The following ZFAND3 variants were observed in gnomAD, a reference collection of about 807,000 sequenced individuals.
ZFAND3 encodes the protein zinc finger AN1-type containing 3.
A neutral mutation model predicts 29.6 loss-of-function variants in ZFAND3; 10 were observed. The observed-to-expected ratio is 0.34, with a 90% CI of 0.21 to 0.57. The LOEUF (loss-of-function observed/expected upper bound fraction) is 0.57. ZFAND3 is among the 20% of genes least tolerant of loss of function. The pLI is 0.86. For missense variants in ZFAND3, 230 were observed against 304.5 expected (o/e 0.76, Z 1.82); for synonymous variants, 128 against 112.6 (o/e 1.14, Z -0.87).
chr6:37,950,426 G>C (rs1469692890), intron 2 of ZFAND3, among the ~76,000 whole-genome samples: 1 of 150,570 alleles, frequency 6.6e-6, no homozygotes, highest in East Asian at 1.9e-4. Flanking sequence ...CGCCCAGCCT[G>C]GAGTGCAGCA....
intron 1 of ZFAND3, among the ~76,000 whole-genome samples, chr6:37,884,680 A>G (rs922547354): frequency 6.9e-6 from 1 of 144,406 alleles, no homozygotes; most frequent in Non-Finnish European, 1.5e-5. Context: ...ATCAAGTGGC[A>G]GGGCAAGATT....
At chr6:37,964,921 A>G (rs902929643) in intron 2 of ZFAND3, among the ~76,000 whole-genome samples, 10 of 152,152 alleles carry the variant, frequency 6.6e-5, no homozygotes, top group Non-Finnish European at 1.5e-4. Flanking sequence ...GTGAGGATTT[A>G]GTGAGATACT....
chr6:37,939,868 C>G (rs1427390612), intron 2 of ZFAND3, among the ~76,000 whole-genome samples: 2 of 152,016 alleles, frequency 1.3e-5, no homozygotes, highest in African/African-American at 4.8e-5. Context: ...GGTGAAACCC[C>G]ATCTCTACTA....
chr6:38,107,743 A>G (rs1470793637), intron 4 of ZFAND3, among the ~76,000 whole-genome samples: 1 of 152,154 alleles, frequency 6.6e-6, no homozygotes, highest in Non-Finnish European at 1.5e-5. Context: ...TGAGGCAGGA[A>G]GATCACTTGA....
intron 5 of ZFAND3, among the ~76,000 whole-genome samples, chr6:38,126,187 C>T (rs1206925344): frequency 6.6e-6 from 1 of 152,214 alleles, no homozygotes; most frequent in Non-Finnish European, 1.5e-5. Flanking sequence ...TGGATTCATA[C>T]CTACATAGTA....
chr6:38,044,057 A>G (rs1016211571), intron 2 of ZFAND3, among the ~76,000 whole-genome samples: 5 of 152,222 alleles, frequency 3.3e-5, no homozygotes, highest in Non-Finnish European at 5.9e-5. Flanking sequence ...GTCAGGGCCA[A>G]CAGTCAAAAA....
rs67495073 is a variant in ZFAND3, at chr6:38,012,377, A to ATTTT, written c.113-49200_113-49197dup. ...AGCTTCCTCCTTTCTTTTTGATAGTATTTTTTTTTTTTTTTTTTTGAGTCG... is the reference window on the plus strand; with the variant it reads ...AGCTTCCTCCTTTCTTTTTGATAGTATTTTTTTTTTTTTTTTTTTTTTTGAGTCG... On this transcript the variant is annotated intron_variant, in intron 2 of 5. Transcript: ENST00000287218. Among the ~76,000 whole-genome samples, 1,653 of 123,292 alleles carry ATTTT rather than the reference A, an allele frequency of 0.013. 155 individuals are homozygous for ATTTT. The East Asian group carries it at 0.26, about 19-fold the overall frequency. The allele number at this position is 123,292 out of a possible 152,430, so 80.9% of individuals were successfully genotyped here.
chr6:38,150,595 T>A (rs1200496622), intron 5 of ZFAND3, among the ~76,000 whole-genome samples: 6 of 152,220 alleles, frequency 3.9e-5, no homozygotes, highest in Admixed American at 2.6e-4. Flanking sequence ...ACCTTAAATC[T>A]TAAGGCTGTT....
intron 2 of ZFAND3, among the ~76,000 whole-genome samples, chr6:37,987,111 GC>G (rs561715401): frequency 4.3e-4 from 66 of 152,268 alleles, no homozygotes; most frequent in African/African-American, 1.4e-3. Context: ...TGTGTTACCT[GC>G]TGTAAAGTGT....
At chr6:38,078,345 T>C (rs1189359634) in intron 3 of ZFAND3, among the ~76,000 whole-genome samples, 1 of 152,206 alleles carries the variant, frequency 6.6e-6, no homozygotes, top group East Asian at 1.9e-4. Context: ...ACATGCAAAC[T>C]CCAAACTTTA....
intron 2 of ZFAND3, among the ~76,000 whole-genome samples, chr6:38,043,397 C>G (rs888160020): frequency 6.7e-6 from 1 of 148,322 alleles, no homozygotes; most frequent in African/African-American, 2.5e-5. Context: ...CTCCTCTGCT[C>G]CCCTTCCCTC....
intron 2 of ZFAND3, among the ~76,000 whole-genome samples, chr6:37,963,077 A>G (rs1374658726): frequency 1.3e-5 from 2 of 152,214 alleles, no homozygotes; most frequent in Non-Finnish European, 1.5e-5. Context: ...ACCTGAAGGA[A>G]CAAACTCTGG....
chr6:37,888,037 G>A (rs1335003153), intron 1 of ZFAND3, among the ~76,000 whole-genome samples: 1 of 152,088 alleles, frequency 6.6e-6, no homozygotes, highest in African/African-American at 2.4e-5. Context: ...AATTTACTAA[G>A]TAGAAAAAAC....
chr6:38,153,355 C>CCTTCCAGCTGGAGCCGCCCGTG lies in ZFAND3; in HGVS notation c.*968_*989dup, dbSNP rs1248598005. On this transcript the variant is annotated 3_prime_UTR_variant, in exon 6 of 6. Coordinates refer to ENST00000287218, the MANE Select transcript of ZFAND3 (RefSeq NM_021943.3). ...GAAGCTGCCGCCCACGGGCTCTGCC[C>CCTTCCAGCTGGAGCCGCCCGTG]CTTCCAGCTGGAGCCGCCCGTGCCT... 4 of 985,384 alleles carry CCTTCCAGCTGGAGCCGCCCGTG rather than the reference C, an allele frequency of 4.1e-6. No individual in the cohort carries two copies. In the African/African-American group the frequency reaches 7.0e-5, roughly 17 times the overall value. The allele number at this position is 985,384 out of a possible 1,614,324, so 61.0% of individuals were successfully genotyped here. A position where few individuals can be genotyped will look rare whatever the true frequency, so the allele number is the denominator to read the frequency against.
chr6:37,834,764 A>T (rs1412031067), intron 1 of ZFAND3, among the ~76,000 whole-genome samples: 3 of 146,216 alleles, frequency 2.1e-5, no homozygotes, highest in African/African-American at 5.6e-5. Context: ...ATAATGATAT[A>T]TGCTCATATA....
intron 4 of ZFAND3, among the ~76,000 whole-genome samples, chr6:38,098,951 T>C (rs1413545046): frequency 6.6e-6 from 1 of 152,194 alleles, no homozygotes; most frequent in Non-Finnish European, 1.5e-5. Flanking sequence ...CTCAGGCTAG[T>C]TCAAACTCCT....
chr6:38,025,155 A>G (rs1051798799), intron 2 of ZFAND3, among the ~76,000 whole-genome samples: 12 of 152,156 alleles, frequency 7.9e-5, no homozygotes, highest in South Asian at 4.1e-4. Flanking sequence ...ATATGTTTCC[A>G]TTTTCTGACT....
intron 2 of ZFAND3, 71 bp downstream of exon 2, chr6:37,930,070 A>G: frequency 1.4e-6 from 2 of 1,408,654 alleles, no homozygotes; most frequent in Non-Finnish European, 9.5e-7. Context: ...GTTCTTTTTA[A>G]GACTAAATCA....
At chr6:38,034,095 C>T (rs1449258461) in intron 2 of ZFAND3, among the ~76,000 whole-genome samples, 4 of 152,112 alleles carry the variant, frequency 2.6e-5, no homozygotes, top group Non-Finnish European at 5.9e-5. Flanking sequence ...GCTTCTTAAA[C>T]AGTGATTTCC....
Sources: allele counts gnomAD v4.1 joint callset (sites outside exome capture counted in the v4.1 genomes callset), GRCh38; gene constraint gnomAD v4.1.1; transcripts MANE v1.5; gene names NCBI Gene and HGNC (gene_info 2026-07-23, HGNC 2026-07-21).